Variants in REDIC1 observed in about 807,000 individuals in gnomAD.
The protein encoded by REDIC1 is HEI10 Interacting Protein 1.
the REDIC1 span, among the ~76,000 whole-genome samples, chr12:39,854,006 T>C: frequency 6.6e-6 from 1 of 152,070 alleles, no homozygotes; most frequent in Non-Finnish European, 1.5e-5. Context: ...AGCCCTTCAA[T>C]ATGAGGGGCT....
chr12:39,805,258 G>A, the REDIC1 span, among the ~76,000 whole-genome samples: 51 of 152,316 alleles, frequency 3.3e-4, no homozygotes, highest in Non-Finnish European at 6.0e-4. Context: ...ACAGAAAGTG[G>A]TGTGATCTGG....
chr12:39,702,603 A>T, the REDIC1 span, among the ~76,000 whole-genome samples: 146 of 152,268 alleles, frequency 9.6e-4, 1 homozygote, highest in African/African-American at 3.4e-3. Context: ...CATCATCCTG[A>T]TACCAAAGCC....
At chr12:39,859,332 T>TTTTTAA in the REDIC1 span, among the ~76,000 whole-genome samples, 1 of 72,330 alleles carries the variant, frequency 1.4e-5, no homozygotes. Flanking sequence ...TTTTTTTTTC[T>TTTTTAA]GAAAAAAAAA....
chr12:39,898,750 T>A, the REDIC1 span, among the ~76,000 whole-genome samples: 1 of 152,064 alleles, frequency 6.6e-6, no homozygotes, highest in African/African-American at 2.4e-5. Flanking sequence ...GGAACCAGAG[T>A]CACCCACACT....
the REDIC1 span, among the ~76,000 whole-genome samples, chr12:39,887,440 T>A: frequency 6.6e-6 from 1 of 151,848 alleles, no homozygotes; most frequent in Non-Finnish European, 1.5e-5. Flanking sequence ...TCAATGAAAA[T>A]ACACCCAGAG....
At chr12:39,788,332 T>C in the REDIC1 span, among the ~76,000 whole-genome samples, 1 of 152,168 alleles carries the variant, frequency 6.6e-6, no homozygotes, top group Non-Finnish European at 1.5e-5. Flanking sequence ...GGGGCCATTA[T>C]TAAGTAACAA....
At chr12:39,671,996 CT>C in the REDIC1 span, among the ~76,000 whole-genome samples, 7 of 152,082 alleles carry the variant, frequency 4.6e-5, no homozygotes, top group African/African-American at 1.4e-4. Flanking sequence ...CAGGCCTCTT[CT>C]TAAGTCCTTA....
chr12:39,675,167 A>T, the REDIC1 span, among the ~76,000 whole-genome samples: 1 of 152,112 alleles, frequency 6.6e-6, no homozygotes, highest in East Asian at 1.9e-4. Context: ...TCTCTCAGTG[A>T]TGAACTGTAT....
chr12:39,742,356 A>T, the REDIC1 span, among the ~76,000 whole-genome samples: 1 of 152,152 alleles, frequency 6.6e-6, no homozygotes, highest in Non-Finnish European at 1.5e-5. Flanking sequence ...TACATTTGTT[A>T]TATTTATTAA....
At chr12:39,838,312 AG>A in the REDIC1 span, among the ~76,000 whole-genome samples, 1 of 132,512 alleles carries the variant, frequency 7.5e-6, no homozygotes, top group Admixed American at 8.5e-5. Flanking sequence ...GGACACAGGA[AG>A]GGGAATATCA....
chr12:39,761,093 A>T, the REDIC1 span, among the ~76,000 whole-genome samples: 1 of 152,192 alleles, frequency 6.6e-6, no homozygotes, highest in African/African-American at 2.4e-5. Flanking sequence ...CATCATGTGT[A>T]TGAGATGGGG....
chr12:39,730,296 G>A, the REDIC1 span, among the ~76,000 whole-genome samples: 6 of 152,146 alleles, frequency 3.9e-5, no homozygotes, highest in African/African-American at 7.2e-5. Flanking sequence ...GGCTGCTACC[G>A]GTTTCTCCTT....
chr12:39,642,613 A>G, the REDIC1 span, among the ~76,000 whole-genome samples: 2 of 151,662 alleles, frequency 1.3e-5, no homozygotes, highest in African/African-American at 4.8e-5. Context: ...TAATTCCAGG[A>G]CACAATCAAT....
At chr12:39,683,839 A>G in the REDIC1 span, among the ~76,000 whole-genome samples, 1 of 152,124 alleles carries the variant, frequency 6.6e-6, no homozygotes, top group Non-Finnish European at 1.5e-5. Flanking sequence ...TGACATGAAA[A>G]AGCATATTTT....
chr12:39,785,364 C>T, the REDIC1 span, among the ~76,000 whole-genome samples: 1 of 152,202 alleles, frequency 6.6e-6, no homozygotes, highest in South Asian at 2.1e-4. Context: ...TTGGCAGCTT[C>T]CATGTGGCGT....
At chr12:39,692,246 G>T in the REDIC1 span, 1 of 806,916 alleles carries the variant, frequency 1.2e-6, no homozygotes. Context: ...TACTACTAAT[G>T]CAATTGACTC....
At chr12:39,676,633 G>T in the REDIC1 span, among the ~76,000 whole-genome samples, 2 of 152,178 alleles carry the variant, frequency 1.3e-5, no homozygotes, top group East Asian at 1.9e-4. Context: ...ACAAAAAGAT[G>T]ATCACCTAGG....
the REDIC1 span, chr12:39,907,841 C>A: frequency 6.6e-6 from 1 of 152,180 alleles, no homozygotes; most frequent in Non-Finnish European, 1.5e-5. Flanking sequence ...TCATTCTGAG[C>A]GTTCTTGCCT....
At chr12:39,850,867 C>A in the REDIC1 span, among the ~76,000 whole-genome samples, 1 of 151,654 alleles carries the variant, frequency 6.6e-6, no homozygotes, top group South Asian at 2.1e-4. Context: ...AATGAAATAT[C>A]AGGAAGAGCT....
Sources: gnomAD v4.1 joint callset for allele counts (sites outside exome capture counted in the v4.1 genomes callset) on GRCh38, gnomAD v4.1.1 for gene constraint, MANE v1.5 for transcripts, NCBI Gene and HGNC (gene_info 2026-07-23, HGNC 2026-07-21) for gene names.